The following PALM2AKAP2 variants were observed in gnomAD, a reference collection of about 807,000 sequenced individuals.
PALM2AKAP2 encodes PALM2-AKAP2 fusion protein.
A neutral mutation model predicts 71.5 loss-of-function variants in PALM2AKAP2; 37 were observed. That is an observed-to-expected ratio of 0.52 (90% CI 0.40 to 0.68). The LOEUF is 0.68. Ranked by LOEUF, PALM2AKAP2 falls within the 30% of genes least tolerant of loss-of-function variation. The pLI, the probability that PALM2AKAP2 is intolerant of heterozygous loss-of-function variation, is 0.00. For synonymous variants in PALM2AKAP2, 468 were observed against 478.8 expected, an observed-to-expected ratio of 0.98 and a Z score of 0.29; for missense variants, 1,224 against 1,191.8, an observed-to-expected ratio of 1.03 and a Z score of -0.40.
intron 2 of PALM2AKAP2, among the ~76,000 whole-genome samples, chr9:109,875,823 A>G (rs1327617329): frequency 6.6e-6 from 1 of 152,218 alleles, no homozygotes; most frequent in Non-Finnish European, 1.5e-5. Flanking sequence ...TGTTTTCCAA[A>G]GCTGGCCAGG....
intron 1 of PALM2AKAP2, among the ~76,000 whole-genome samples, chr9:110,091,083 C>T (rs1216227577): frequency 2.0e-5 from 3 of 151,946 alleles, no homozygotes; most frequent in South Asian, 2.1e-4. Context: ...TGCTGCTAGT[C>T]GGGCACTTGG....
intron 1 of PALM2AKAP2, among the ~76,000 whole-genome samples, chr9:109,740,740 G>C (rs777266920): frequency 2.8e-4 from 42 of 152,106 alleles, no homozygotes; most frequent in Admixed American, 3.3e-4. Context: ...TGCAACCTCC[G>C]CCTGCCGGGT....
At chr9:109,744,397 T>G (rs1828767575) in intron 1 of PALM2AKAP2, among the ~76,000 whole-genome samples, 1 of 152,200 alleles carries the variant, frequency 6.6e-6, no homozygotes, top group African/African-American at 2.4e-5. Context: ...AATTTTTTTA[T>G]GACAAAGAGA....
At chr9:109,954,236 A>G (rs1831703011) in intron 6 of PALM2AKAP2, among the ~76,000 whole-genome samples, 1 of 152,126 alleles carries the variant, frequency 6.6e-6, no homozygotes, top group South Asian at 2.1e-4. Flanking sequence ...GTTGCTGATG[A>G]TGGTATTGTT....
intron 1 of PALM2AKAP2, among the ~76,000 whole-genome samples, chr9:109,711,843 G>A (rs541411660): frequency 1.3e-5 from 2 of 152,316 alleles, no homozygotes; most frequent in East Asian, 1.9e-4. Context: ...GCTGTCCAGC[G>A]ACTGGGATCT....
In PALM2AKAP2 at chr9:110,076,492, C is replaced by CATATATATATATATATATATATATATAT. The variant is rs149836822; in HGVS notation, c.156+27656_156+27657insTATATATATATATATATATATATATATA. On this transcript the variant is annotated intron_variant, in intron 1 of 3. Coordinates refer to ENST00000374525, the Ensembl canonical transcript of PALM2AKAP2. Reference sequence around the variant, plus strand: ...ATATAGGTATATCATATATATTCTACATATATATATATATATATAGGTATA... The same window carrying CATATATATATATATATATATATATATAT: ...ATATAGGTATATCATATATATTCTACATATATATATATATATATATATATATATATATATATATATATATATAGGTATA... 5.2e-3 allele frequency among the ~76,000 whole-genome samples: 555 copies of CATATATATATATATATATATATATATAT among 106,290 alleles called. 24 individuals carry two copies. Among genetic ancestry groups the CATATATATATATATATATATATATATAT allele is most frequent in the Middle Eastern group, 0.015 (3 of 206 alleles). 69.7% of individuals were successfully genotyped at this position (106,290 alleles called of 152,430 possible). A position where few individuals can be genotyped will look rare whatever the true frequency, so the allele number is the denominator to read the frequency against.
intron 1 of PALM2AKAP2, among the ~76,000 whole-genome samples, chr9:109,679,498 A>G (rs542467123): frequency 6.6e-6 from 1 of 152,206 alleles, no homozygotes; most frequent in Non-Finnish European, 1.5e-5. Context: ...GAGTTTTGCC[A>G]TCGAAAACTC....
At chr9:109,918,733 G>A (rs567611394) in intron 3 of PALM2AKAP2, among the ~76,000 whole-genome samples, 1 of 152,342 alleles carries the variant, frequency 6.6e-6, no homozygotes, top group East Asian at 1.9e-4. Flanking sequence ...AAAGAGAGCA[G>A]CCTGGACTGA....
In PALM2AKAP2 at chr9:109,721,896, T is replaced by C. The variant is rs142977732; in HGVS notation, c.6-58592T>C. Among the ~76,000 whole-genome samples the C allele has an allele frequency of 2.4e-4, 37 of 152,348 alleles. No individual in the cohort carries two copies. In the East Asian group the frequency reaches 5.8e-3, roughly 24 times the overall value. ...ATCATCTGTCATACCTAAATAATTA[T>C]ATATGAATTAGATTTCTTAAAATGC... On this transcript the variant is annotated intron_variant, in intron 1 of 6. Coordinates refer to the PALM2AKAP2 transcript ENST00000374531.
chr9:109,836,609 G>A (rs907101648), intron 1 of PALM2AKAP2, among the ~76,000 whole-genome samples: 4 of 152,170 alleles, frequency 2.6e-5, no homozygotes, highest in Admixed American at 6.5e-5. Context: ...CAAACCCATC[G>A]CAAAGAAGCT....
intron 1 of PALM2AKAP2, among the ~76,000 whole-genome samples, chr9:109,769,021 C>A (rs965917243): frequency 1.1e-4 from 16 of 152,068 alleles, no homozygotes; most frequent in African/African-American, 3.4e-4. Flanking sequence ...TCTATTCATA[C>A]TTTTATTTAA....
In PALM2AKAP2 at chr9:109,971,740, C is replaced by T. The variant is rs78005865; in HGVS notation, c.496+39712C>T. ...CGCGCCCAGCCAAGATACATTGTTG[C>T]AGAGTGTAAAACCAGATCTTGTTGA... On this transcript the variant is annotated intron_variant, in intron 6 of 9. Transcript: ENST00000302798. Among the ~76,000 whole-genome samples the T allele has an allele frequency of 1.4e-3, 218 of 152,234 alleles. 3 individuals are homozygous for T. The East Asian group carries it at 0.028, about 20-fold the overall frequency.
At chr9:109,814,137 A>G (rs960472344) in intron 1 of PALM2AKAP2, among the ~76,000 whole-genome samples, 1 of 152,222 alleles carries the variant, frequency 6.6e-6, no homozygotes, top group Non-Finnish European at 1.5e-5. Context: ...CTTGATGAGA[A>G]TGAAGCTCCC....
chr9:109,950,520 G>C (rs909701229), intron 6 of PALM2AKAP2, among the ~76,000 whole-genome samples: 8 of 152,044 alleles, frequency 5.3e-5, no homozygotes, highest in African/African-American at 1.7e-4. Context: ...CTGCTCCTCT[G>C]TCTGGCTAAC....
At chr9:109,964,681 C>T (rs932195880) in intron 6 of PALM2AKAP2, among the ~76,000 whole-genome samples, 11 of 152,124 alleles carry the variant, frequency 7.2e-5, no homozygotes, top group African/African-American at 2.7e-4. Context: ...TCTTACTATA[C>T]CTCAGCTGGG....
chr9:110,117,952 CAT>C (rs55638466), intron 1 of PALM2AKAP2, among the ~76,000 whole-genome samples: 111,006 of 148,390 alleles, frequency 0.75, 41,837 homozygotes, highest in East Asian at 0.95. Flanking sequence ...GTGTAAGATA[CAT>C]ATATATATAT....
At chr9:109,999,589 G>A (rs932241045) in intron 6 of PALM2AKAP2, among the ~76,000 whole-genome samples, 3 of 152,086 alleles carry the variant, frequency 2.0e-5, no homozygotes, top group African/African-American at 7.2e-5. Flanking sequence ...AAAACTTCCT[G>A]CCCAGAACTA....
intron 1 of PALM2AKAP2, among the ~76,000 whole-genome samples, chr9:110,073,319 T>C (rs150612299): frequency 5.7e-4 from 87 of 152,310 alleles, no homozygotes; most frequent in African/African-American, 1.7e-3. Context: ...CAGGTTGTTC[T>C]CTCCTGGGAG....
intron 1 of PALM2AKAP2, among the ~76,000 whole-genome samples, chr9:110,119,341 CAAAA>C (rs200861093): frequency 0.061 from 5,442 of 88,870 alleles, 325 homozygotes; most frequent in African/African-American, 0.2. Context: ...GACTCCATCT[CAAAA>C]AAAAAAAAAA....
Sources: gnomAD v4.1 joint callset for allele counts (sites outside exome capture counted in the v4.1 genomes callset) on GRCh38, gnomAD v4.1.1 for gene constraint, MANE v1.5 for transcripts, NCBI Gene and HGNC (gene_info 2026-07-23, HGNC 2026-07-21) for gene names.